KCNN2: variants seen among roughly 807,000 people sequenced by gnomAD.
KCNN2 encodes the protein small conductance calcium-activated potassium channel protein 2.
Under a neutral mutation model 55.5 loss-of-function variants are expected in KCNN2, and 24 were observed. The observed-to-expected ratio is 0.43, with a 90% CI of 0.31 to 0.61. The LOEUF is 0.61. KCNN2 is among the 20% of genes least tolerant of loss of function. KCNN2 has a pLI of 0.08. For synonymous variants in KCNN2, 431 were observed against 336.1 expected (o/e 1.28, Z -3.09); for missense variants, 754 against 853.6 (o/e 0.88, Z 1.45).
At position 114,294,507 on chromosome 5, in the gene KCNN2, G is replaced by A. The variant is rs1332348458; in HGVS notation, c.-184-66438G>A. ...TTTCCATGTAGTTGAGCGGTTTTGA[G>A]TGAGTTTCTTAATTCTGAGTTCTAG... is the stretch of plus-strand genomic sequence containing the variant. On this transcript the variant is annotated intron_variant, in intron 2 of 10. Coordinates refer to the KCNN2 transcript ENST00000512097. 1.8e-4 allele frequency among the ~76,000 whole-genome samples: 28 copies of A among 152,330 alleles called. No individual in the cohort carries two copies. The East Asian group carries it at 4.4e-3, about 24-fold the overall frequency.
At chr5:114,262,159 G>A (rs1389450706) in intron 2 of KCNN2, among the ~76,000 whole-genome samples, 3 of 152,042 alleles carry the variant, frequency 2.0e-5, no homozygotes, top group Admixed American at 1.3e-4. Flanking sequence ...ATTTGGCTTC[G>A]TTTCTATGTT....
intron 4 of KCNN2, 50 bp from the exon 5 acceptor site, chr5:114,473,004 C>A (rs773286986): frequency 9.1e-7 from 1 of 1,095,844 alleles, no homozygotes; most frequent in South Asian, 1.5e-5. Context: ...GTGTCTGAGA[C>A]AGAAAGTAGT....
chr5:114,299,745 TC>T (rs150967611), intron 2 of KCNN2, among the ~76,000 whole-genome samples: 2 of 152,256 alleles, frequency 1.3e-5, no homozygotes, highest in East Asian at 3.9e-4. Flanking sequence ...CAACTTCAGG[TC>T]CTTTGAGTCT....
intron 5 of KCNN2, among the ~76,000 whole-genome samples, chr5:114,475,301 C>A (rs192897764): frequency 1.5e-4 from 22 of 151,584 alleles, no homozygotes; most frequent in African/African-American, 5.3e-4. Context: ...TCATGTGGGA[C>A]TGTCCTGTGT....
chr5:114,424,277 G>T (rs1195267099), intron 3 of KCNN2, among the ~76,000 whole-genome samples: 1 of 152,124 alleles, frequency 6.6e-6, no homozygotes, highest in Non-Finnish European at 1.5e-5. Context: ...GAACCTGCAG[G>T]CTTGTTAAAA....
chr5:114,469,460 T>TAAATG (rs776823707), intron 4 of KCNN2, among the ~76,000 whole-genome samples: 2 of 152,182 alleles, frequency 1.3e-5, no homozygotes, highest in Admixed American at 1.3e-4. Context: ...TCTAAGAAGA[T>TAAATG]AAATGAAATG....
intron 2 of KCNN2, among the ~76,000 whole-genome samples, chr5:114,342,185 A>C (rs972325958): frequency 6.7e-6 from 1 of 149,790 alleles, no homozygotes; most frequent in Non-Finnish European, 1.5e-5. Context: ...ACAGGCGTGA[A>C]CCACTGTGCC....
chr5:114,342,180 C>T (rs1580733805), intron 2 of KCNN2, among the ~76,000 whole-genome samples: 1 of 151,402 alleles, frequency 6.6e-6, no homozygotes, highest in South Asian at 2.1e-4. Flanking sequence ...GGATTACAGG[C>T]GTGAACCACT....
chr5:114,356,243 G>A (rs1026520625), intron 2 of KCNN2, among the ~76,000 whole-genome samples: 3 of 152,082 alleles, frequency 2.0e-5, no homozygotes, highest in East Asian at 3.8e-4. Context: ...CTTGTAAAAC[G>A]GAGTTGATGA....
chr5:114,232,886 ATTACTGAT>A, intron 2 of KCNN2, among the ~76,000 whole-genome samples: 1 of 129,502 alleles, frequency 7.7e-6, no homozygotes, highest in East Asian at 2.3e-4. Flanking sequence ...AATAATGCTT[ATTACTGAT>A]TTTCAGAGGT....
chr5:114,109,088 G>A (rs1751543845), intron 1 of KCNN2, among the ~76,000 whole-genome samples: 1 of 152,052 alleles, frequency 6.6e-6, no homozygotes, highest in Admixed American at 6.6e-5. Flanking sequence ...GTCTCAAGGT[G>A]TCACTCAAGC....
intron 1 of KCNN2, among the ~76,000 whole-genome samples, chr5:114,182,798 A>G (rs1477877165): frequency 1.3e-5 from 2 of 152,158 alleles, no homozygotes; most frequent in Non-Finnish European, 2.9e-5. Flanking sequence ...GTGAACAATT[A>G]TATCATTTGC....
At chr5:114,260,335 T>G (rs907296433) in intron 2 of KCNN2, among the ~76,000 whole-genome samples, 1 of 152,230 alleles carries the variant, frequency 6.6e-6, no homozygotes, top group African/African-American at 2.4e-5. Flanking sequence ...CTTACCTCTG[T>G]GACCTCATCT....
chr5:114,363,949 C>G lies in KCNN2; in HGVS notation c.1166C>G (p.Ser389Cys). ...SLALKCLISL[S>C]TIILLGLIIV... ...GCTCTGAAATGCCTTATCAGTCTCT[C>G]CACGATCATCCTGCTCGGTCTGATC... is the stretch of plus-strand genomic sequence containing the variant. Residue 389 changes from serine to cysteine, a missense_variant, in exon 2 of 8, where the codon TCC becomes TGC. Physicochemically the swap from Ser to Cys is moderately radical, Grantham distance 112 (BLOSUM62 -1). Transcript: ENST00000673685. 6.2e-7 allele frequency: 1 copy of G among 1,614,068 alleles called. No homozygotes were observed.
chr5:114,253,189 G>T (rs995242584), intron 2 of KCNN2, among the ~76,000 whole-genome samples: 1 of 140,466 alleles, frequency 7.1e-6, no homozygotes. Flanking sequence ...CATTCCATCT[G>T]GAATTATGGG....
intron 2 of KCNN2, among the ~76,000 whole-genome samples, chr5:114,256,729 T>C (rs1339966444): frequency 6.6e-6 from 1 of 152,108 alleles, no homozygotes; most frequent in African/African-American, 2.4e-5. Flanking sequence ...TATTTGTTGG[T>C]TTTTCTTGTT....
chr5:114,217,709 A>G (rs1392094314), intron 1 of KCNN2, among the ~76,000 whole-genome samples: 3 of 152,200 alleles, frequency 2.0e-5, no homozygotes, highest in African/African-American at 7.2e-5. Flanking sequence ...CTTTTTAGGT[A>G]CAACACTAAA....
intron 1 of KCNN2, among the ~76,000 whole-genome samples, chr5:114,194,282 G>T (rs1163114782): frequency 6.6e-6 from 1 of 151,942 alleles, no homozygotes; most frequent in Non-Finnish European, 1.5e-5. Context: ...CTAAACTGTT[G>T]CCCAAAATGA....
intron 7 of KCNN2, among the ~76,000 whole-genome samples, chr5:114,494,190 T>G (rs1747999574): frequency 6.6e-6 from 1 of 151,962 alleles, no homozygotes; most frequent in African/African-American, 2.4e-5. Flanking sequence ...AGAATAGCAT[T>G]TATATAATTG....
Sources: allele counts gnomAD v4.1 joint callset (sites outside exome capture counted in the v4.1 genomes callset), GRCh38; gene constraint gnomAD v4.1.1; transcripts MANE v1.5; gene names NCBI Gene and HGNC (gene_info 2026-07-23, HGNC 2026-07-21).